The following IP6K1 variants were observed in gnomAD, a reference collection of about 807,000 sequenced individuals.
The protein encoded by IP6K1 is ATP:1D-myo-inositol-hexakisphosphate phosphotransferase.
IP6K1 carries 13 observed loss-of-function variants against 38.3 expected under a neutral mutation model. The observed-to-expected ratio is 0.34, with a 90% confidence interval of 0.22 to 0.54. The LOEUF is 0.54. IP6K1 is among the 20% of genes least tolerant of loss of function. The pLI, the probability that IP6K1 is intolerant of heterozygous loss-of-function variation, is 0.92. For missense variants in IP6K1, 397 were observed against 599.8 expected (o/e 0.66, Z 3.53); for synonymous variants, 212 against 229.9 (o/e 0.92, Z 0.70).
At chr3:49,736,920 C>CACCACCATGCCCGGCTAATTTTTTTGT (rs1323052571) in intron 3 of IP6K1, among the ~76,000 whole-genome samples, 11 of 151,742 alleles carry the variant, frequency 7.2e-5, no homozygotes, top group Non-Finnish European at 1.6e-4. Flanking sequence ...TACAGGTGCC[C>CACCACCATGCCCGGCTAATTTTTTTGT]ACCACCATGC....
chr3:49,750,173 T>C (rs541865666), intron 1 of IP6K1, among the ~76,000 whole-genome samples: 28 of 152,172 alleles, frequency 1.8e-4, no homozygotes, highest in Non-Finnish European at 3.7e-4. Context: ...TCAGGGTCTC[T>C]GGAGGTGGTC....
At chr3:49,777,342 G>C (rs947281875) in intron 1 of IP6K1, among the ~76,000 whole-genome samples, 5 of 151,842 alleles carry the variant, frequency 3.3e-5, no homozygotes, top group African/African-American at 9.7e-5. Flanking sequence ...TGGATGGATT[G>C]CCTGAGGTCA....
chr3:49,738,971 C>T (rs976818877), intron 2 of IP6K1, among the ~76,000 whole-genome samples: 4 of 152,192 alleles, frequency 2.6e-5, no homozygotes, highest in African/African-American at 9.6e-5. Flanking sequence ...GATAAAACAT[C>T]CTTCTGTTTG....
At chr3:49,740,856 CT>C (rs557851334) in intron 2 of IP6K1, among the ~76,000 whole-genome samples, 238 of 138,780 alleles carry the variant, frequency 1.7e-3, no homozygotes, top group Admixed American at 1.6e-3. Flanking sequence ...TTTCTTTTTT[CT>C]TTTTTTTTTT....
chr3:49,758,571 A>C (rs528443475), intron 1 of IP6K1: 10 of 152,448 alleles, frequency 6.6e-5, no homozygotes, highest in African/African-American at 2.2e-4. Flanking sequence ...CCAAGAAAGA[A>C]GGCATACCCA....
chr3:49,745,639 A>G (rs956370463), intron 2 of IP6K1, among the ~76,000 whole-genome samples: 6 of 152,152 alleles, frequency 3.9e-5, no homozygotes, highest in Admixed American at 6.5e-5. Flanking sequence ...CAAATCACCT[A>G]AAGTCAGGAG....
At chr3:49,783,343 G>C (rs2081084028) in intron 1 of IP6K1, among the ~76,000 whole-genome samples, 1 of 151,844 alleles carries the variant, frequency 6.6e-6, no homozygotes, top group South Asian at 2.1e-4. Context: ...CCTGTCAGGA[G>C]TGACCAGCCT....
intron 1 of IP6K1, among the ~76,000 whole-genome samples, chr3:49,776,424 G>C (rs966301023): frequency 6.6e-6 from 1 of 151,940 alleles, no homozygotes; most frequent in Non-Finnish European, 1.5e-5. Context: ...GGCTGAGGCA[G>C]GAAAATTACT....
chr3:49,781,933 A>T (rs1402422365), intron 1 of IP6K1, among the ~76,000 whole-genome samples: 4 of 151,896 alleles, frequency 2.6e-5, no homozygotes, highest in Non-Finnish European at 4.4e-5. Context: ...AAAAAAAATT[A>T]AAATTAAAAA....
chr3:49,781,530 G>A (rs2081065705), intron 1 of IP6K1, among the ~76,000 whole-genome samples: 1 of 152,218 alleles, frequency 6.6e-6, no homozygotes, highest in African/African-American at 2.4e-5. Flanking sequence ...CAAGGGAAAA[G>A]CTGAAGCAAA....
At chr3:49,775,002 T>C (rs1355474538) in intron 1 of IP6K1, among the ~76,000 whole-genome samples, 1 of 152,214 alleles carries the variant, frequency 6.6e-6, no homozygotes, top group African/African-American at 2.4e-5. Flanking sequence ...TAGGTATGTT[T>C]CTATTTAAAA....
chr3:49,772,226 T>C (rs7371882), intron 1 of IP6K1, among the ~76,000 whole-genome samples: 1 of 111,374 alleles, frequency 9.0e-6, no homozygotes, highest in Non-Finnish European at 2.1e-5. Context: ...AAAAAAAAAA[T>C]ATATATATAT....
At chr3:49,777,852 T>C (rs1018315261) in intron 1 of IP6K1, among the ~76,000 whole-genome samples, 2 of 151,864 alleles carry the variant, frequency 1.3e-5, no homozygotes, top group African/African-American at 2.4e-5. Flanking sequence ...GAGGCGGAGC[T>C]TGCAGTGAGC....
chr3:49,758,926 G>A (rs964772910), intron 1 of IP6K1, among the ~76,000 whole-genome samples: 19 of 149,830 alleles, frequency 1.3e-4, no homozygotes, highest in African/African-American at 4.4e-4. Flanking sequence ...CAGCCTGGAT[G>A]ACAGAGCGAG....
chr3:49,742,753 A>G (rs1334626976), intron 2 of IP6K1, among the ~76,000 whole-genome samples: 1 of 151,032 alleles, frequency 6.6e-6, no homozygotes, highest in Non-Finnish European at 1.5e-5. Flanking sequence ...AAAAAAAAAG[A>G]GCCGGTGCAC....
chr3:49,742,283 C>T (rs2080674867), intron 2 of IP6K1, among the ~76,000 whole-genome samples: 1 of 152,220 alleles, frequency 6.6e-6, no homozygotes, highest in Admixed American at 6.5e-5. Flanking sequence ...GGCACGGTGG[C>T]TTACGCCTGT....
Position 49,727,111 on chromosome 3 carries a change from C to T in IP6K1, c.*11G>A, listed in dbSNP as rs751826328. On this transcript the variant is annotated 3_prime_UTR_variant, in exon 6 of 6. Coordinates refer to ENST00000321599, the MANE Select transcript of IP6K1 (RefSeq NM_153273.4). The surrounding 1 kb of genome is among the most constrained non-coding windows in gnomAD (Gnocchi z 5.9). The stretch of plus-strand genomic sequence containing the variant: ...TGGAGAGGAAGGGGTTCTGGGGGCC[C>T]AGAACAGGGCCTACTGGTTCTCGTC... The T allele has an allele frequency of 1.9e-6, 3 of 1,575,812 alleles. No homozygotes were observed. The South Asian group carries it at 3.5e-5, about 18-fold the overall frequency.
chr3:49,727,668 G>A lies in IP6K1; in HGVS notation c.793-13C>T, dbSNP rs1263195564. On this transcript the variant is annotated splice_polypyrimidine_tract_variant and intron_variant, in intron 5 of 5. Transcript: ENST00000321599. The surrounding 1 kb of genome is among the most constrained non-coding windows in gnomAD (Gnocchi z 5.9). ...CCAGCTGGTACACCTGAAACCCCAG[G>A]AGGCAGACAGGGTGAGTGCCAGGGA... 4.4e-6 allele frequency: 7 copies of A among 1,608,898 alleles called. No homozygotes were observed. Among genetic ancestry groups the A allele is most frequent in the Admixed American group, 3.3e-5 (2 of 59,816 alleles).
chr3:49,763,964 G>A (rs2080887744), intron 1 of IP6K1, among the ~76,000 whole-genome samples: 1 of 152,204 alleles, frequency 6.6e-6, no homozygotes, highest in Admixed American at 6.5e-5. Context: ...AAAGGTTGCA[G>A]TGAGTCAAGA....
Sources: gnomAD v4.1 joint callset for allele counts (sites outside exome capture counted in the v4.1 genomes callset) on GRCh38, gnomAD v4.1.1 for gene constraint, Gnocchi (gnomAD v3.1) non-coding constraint, MANE v1.5 for transcripts, NCBI Gene and HGNC (gene_info 2026-07-23, HGNC 2026-07-21) for gene names.